Variants in MAPK10 observed in about 807,000 individuals in gnomAD.
MAPK10 encodes JNK3 alpha protein kinase.
MAPK10 carries 25 observed loss-of-function variants against 59.3 expected under a neutral mutation model. That is an observed-to-expected ratio of 0.42 (90% CI 0.31 to 0.59). The LOEUF (loss-of-function observed/expected upper bound fraction) is 0.59. Among genes scored for constraint, MAPK10 ranks in the 20% least tolerant of loss-of-function variants. The pLI is 0.15. For missense variants in MAPK10, 351 were observed against 568.9 expected (o/e 0.62, Z 3.90); for synonymous variants, 190 against 200.5 (o/e 0.95, Z 0.44).
intron 2 of MAPK10, among the ~76,000 whole-genome samples, chr4:86,312,436 C>A (rs2095689523): frequency 6.6e-6 from 1 of 151,966 alleles, no homozygotes; most frequent in Admixed American, 6.6e-5. Context: ...ATATATAAAG[C>A]AACTTATTGG....
At chr4:86,170,278 C>G (rs12509769) in intron 3 of MAPK10, among the ~76,000 whole-genome samples, 12,860 of 150,964 alleles carry the variant, frequency 0.085, 1,206 homozygotes, top group African/African-American at 0.23. Context: ...ATTGGATAAA[C>G]AGTCAAGACC....
chr4:86,325,029 A>T (rs1259525458), intron 2 of MAPK10, among the ~76,000 whole-genome samples: 1 of 152,232 alleles, frequency 6.6e-6, no homozygotes. Context: ...TTTTACACAA[A>T]GGAAATAGAG....
chr4:86,506,275 TGAGAAAATGAGTGAGG>T (rs1320965304), intron 1 of MAPK10, among the ~76,000 whole-genome samples: 1 of 152,158 alleles, frequency 6.6e-6, no homozygotes, highest in East Asian at 1.9e-4. Flanking sequence ...AGAATTTTCA[TGAGAAAATGAGTGAGG>T]GATATGCTAG....
chr4:86,298,715 G>C (rs1264077819), intron 2 of MAPK10, among the ~76,000 whole-genome samples: 1 of 152,146 alleles, frequency 6.6e-6, no homozygotes, highest in Non-Finnish European at 1.5e-5. Context: ...GTGGATATTT[G>C]CTCCTGAATT....
At chr4:86,213,822 A>G (rs1468361598) in intron 2 of MAPK10, among the ~76,000 whole-genome samples, 1 of 152,136 alleles carries the variant, frequency 6.6e-6, no homozygotes, top group Admixed American at 6.6e-5. Flanking sequence ...TTATTTTCAA[A>G]CTTTCCCTAA....
chr4:86,153,572 C>T (rs1204647197), intron 4 of MAPK10, among the ~76,000 whole-genome samples: 1 of 152,084 alleles, frequency 6.6e-6, no homozygotes, highest in Non-Finnish European at 1.5e-5. Context: ...TTATGGTTGA[C>T]ACATAGAAAT....
At chr4:86,314,024 C>CA (rs35435792) in intron 2 of MAPK10, among the ~76,000 whole-genome samples, 12 of 151,884 alleles carry the variant, frequency 7.9e-5, no homozygotes, top group Admixed American at 7.9e-4. Context: ...ACTACAGCCA[C>CA]AAAAAAACAG....
intron 5 of MAPK10, among the ~76,000 whole-genome samples, chr4:86,105,133 G>A (rs2056305392): frequency 6.6e-6 from 1 of 151,956 alleles, no homozygotes; most frequent in African/African-American, 2.4e-5. Context: ...GAAAACAGGG[G>A]ACCAAACTAA....
chr4:86,591,153 G>A (rs1414829530), intron 1 of MAPK10, among the ~76,000 whole-genome samples: 2 of 152,076 alleles, frequency 1.3e-5, no homozygotes, highest in African/African-American at 4.8e-5. Context: ...TGAATTCCCA[G>A]GCTCAAACAG....
At chr4:86,487,314 G>A (rs1165903648) in intron 1 of MAPK10, among the ~76,000 whole-genome samples, 2 of 151,896 alleles carry the variant, frequency 1.3e-5, no homozygotes, top group African/African-American at 4.8e-5. Flanking sequence ...AGAGGTAAGA[G>A]GGAATGATTG....
chr4:86,201,859 A>T (rs35116135), intron 2 of MAPK10, among the ~76,000 whole-genome samples: 2,610 of 151,732 alleles, frequency 0.017, 100 homozygotes, highest in African/African-American at 0.059. Flanking sequence ...AACACCCTAC[A>T]TTTTTAATTT....
At chr4:86,571,828 C>T (rs534299691) in intron 1 of MAPK10, among the ~76,000 whole-genome samples, 6 of 152,086 alleles carry the variant, frequency 3.9e-5, no homozygotes, top group South Asian at 4.2e-4. Context: ...CATTATGTAA[C>T]GAGCCCCTTG....
intron 1 of MAPK10, among the ~76,000 whole-genome samples, chr4:86,470,248 A>T (rs561417349): frequency 6.6e-6 from 1 of 152,340 alleles, no homozygotes; most frequent in African/African-American, 2.4e-5. Flanking sequence ...GATGCATCCC[A>T]TTTTTATTCT....
intron 1 of MAPK10, among the ~76,000 whole-genome samples, chr4:86,501,392 C>A (rs560727160): frequency 1.3e-5 from 2 of 152,014 alleles, no homozygotes; most frequent in Non-Finnish European, 2.9e-5. Flanking sequence ...GAATCATTTA[C>A]ACTATACATT....
At chr4:86,368,621 A>T (rs1303254652) in intron 1 of MAPK10, among the ~76,000 whole-genome samples, 1 of 152,200 alleles carries the variant, frequency 6.6e-6, no homozygotes, top group African/African-American at 2.4e-5. Flanking sequence ...TATTAAGCTT[A>T]TAAAAGTACG....
chr4:86,058,238 G>A lies in MAPK10; in HGVS notation c.1110+6028C>T, dbSNP rs550245985. On this transcript the variant is annotated intron_variant, in intron 11 of 13. Transcript: ENST00000641462. ...CTCCTCTCCAGAGGAATTGTGCTCCGTTCCCTGGTTACTTCTCCTTTACTT... is the reference window on the plus strand; with the variant it reads ...CTCCTCTCCAGAGGAATTGTGCTCCATTCCCTGGTTACTTCTCCTTTACTT... Among the ~76,000 whole-genome samples, 6 of 149,690 alleles carry A rather than the reference G, an allele frequency of 4.0e-5. 1 individual carries two copies. Among genetic ancestry groups the A allele is most frequent in the South Asian group, 2.1e-4 (1 of 4,806 alleles).
At chr4:86,069,878 T>C (rs1214363426) in intron 9 of MAPK10, among the ~76,000 whole-genome samples, 1 of 149,992 alleles carries the variant, frequency 6.7e-6, no homozygotes, top group Non-Finnish European at 1.5e-5. Context: ...AGATATACAG[T>C]AAATAATTGA....
In MAPK10 at chr4:86,568,628, G is replaced by A. The variant is rs550402371; in HGVS notation, c.-263+25282C>T. Among the ~76,000 whole-genome samples, 7 of 151,766 alleles carry A rather than the reference G, an allele frequency of 4.6e-5. No homozygotes were observed. The South Asian group carries it at 8.3e-4, about 18-fold the overall frequency. On this transcript the variant is annotated intron_variant, in intron 1 of 4. Coordinates refer to the MAPK10 transcript ENST00000502302. ...ATCAATGAGACAGAATAGAGAACCC[G>A]GAAATAAAGTCACACACCTACAACC...
chr4:86,474,074 A>G (rs1193466012), intron 1 of MAPK10, among the ~76,000 whole-genome samples: 3 of 152,222 alleles, frequency 2.0e-5, no homozygotes, highest in African/African-American at 7.2e-5. Context: ...GGGATCATGC[A>G]CCACATGTAA....
Sources: gnomAD v4.1 joint callset for allele counts (sites outside exome capture counted in the v4.1 genomes callset) on GRCh38, gnomAD v4.1.1 for gene constraint, MANE v1.5 for transcripts, NCBI Gene and HGNC (gene_info 2026-07-23, HGNC 2026-07-21) for gene names.